Variants in SDK1 observed in about 807,000 individuals in gnomAD.
SDK1 encodes protein sidekick-1.
SDK1 carries 157 observed loss-of-function variants against 245.5 expected under a neutral mutation model. The ratio of observed to expected loss-of-function variants is 0.64; its 90% CI spans 0.56 to 0.73. SDK1 has a LOEUF of 0.73. SDK1 is among the 30% of genes least tolerant of loss of function. The pLI is 0.00. For synonymous variants in SDK1, 1,647 were observed against 1,278.5 expected (o/e 1.29, Z -6.15); for missense variants, 3,583 against 3,002.3 (o/e 1.19, Z -4.52).
chr7:3,634,082 C>T (rs545323304), intron 2 of SDK1, among the ~76,000 whole-genome samples: 3 of 152,142 alleles, frequency 2.0e-5, no homozygotes, highest in Non-Finnish European at 2.9e-5. Flanking sequence ...GTCTAATTGG[C>T]CATGCTGTGT....
chr7:3,925,126 C>T (rs373965078), intron 5 of SDK1, among the ~76,000 whole-genome samples: 1 of 152,064 alleles, frequency 6.6e-6, no homozygotes, highest in Admixed American at 6.5e-5. Flanking sequence ...CCAGACACCC[C>T]ACTCCAGGAA....
chr7:4,113,418 C>G lies in SDK1; in HGVS notation c.3564C>G (p.Thr1188=), dbSNP rs931384978. ...TSVTVRTASE[T]SLRLRWVPLP... Reference sequence around the variant, plus strand: ...TCACGGTCCGTACTGCCAGTGAGACCAGCCTGCGGCTTCGCTGGGTGGTGA... The same window carrying G: ...TCACGGTCCGTACTGCCAGTGAGACGAGCCTGCGGCTTCGCTGGGTGGTGA... The change falls in exon 24 of 45, where the codon ACC becomes ACG. Residue 1188 remains threonine, a synonymous_variant. Coordinates refer to ENST00000404826, the MANE Select transcript of SDK1 (RefSeq NM_152744.4). 1 of 1,613,852 alleles carries G rather than the reference C, an allele frequency of 6.2e-7. No homozygotes were observed. Among genetic ancestry groups the G allele is most frequent in the Admixed American group, 1.7e-5 (1 of 60,026 alleles).
chr7:4,097,864 T>G (rs10229320), intron 22 of SDK1, among the ~76,000 whole-genome samples: 48,561 of 152,056 alleles, frequency 0.32, 9,309 homozygotes, highest in African/African-American at 0.54. Flanking sequence ...TGAATAGTCA[T>G]TCGCACATGC....
chr7:3,836,823 A>G (rs962682982), intron 5 of SDK1, among the ~76,000 whole-genome samples: 1 of 152,102 alleles, frequency 6.6e-6, no homozygotes, highest in Non-Finnish European at 1.5e-5. Flanking sequence ...TAAACAACAG[A>G]TGTTCATTTT....
intron 44 of SDK1, among the ~76,000 whole-genome samples, chr7:4,258,794 A>C (rs1244829855): frequency 1.3e-5 from 2 of 152,212 alleles, no homozygotes; most frequent in African/African-American, 4.8e-5. Flanking sequence ...TAGTCAAAAG[A>C]GGGTGAAAGT....
intron 40 of SDK1, among the ~76,000 whole-genome samples, chr7:4,226,199 G>A (rs2128233830): frequency 6.6e-6 from 1 of 152,302 alleles, no homozygotes; most frequent in East Asian, 1.9e-4. Context: ...TTTGCTCCAG[G>A]TGCAATGAAT....
At chr7:3,660,447 T>TG (rs1783316250) in intron 4 of SDK1, among the ~76,000 whole-genome samples, 1 of 150,870 alleles carries the variant, frequency 6.6e-6, no homozygotes, top group South Asian at 2.1e-4. Context: ...AGAAAGAGAA[T>TG]GGGGAAATAG....
chr7:3,345,936 C>T (rs1171061644), intron 1 of SDK1, among the ~76,000 whole-genome samples: 3 of 152,160 alleles, frequency 2.0e-5, no homozygotes, highest in East Asian at 3.9e-4. Context: ...TCACCCACTG[C>T]AGTTATTCGG....
At chr7:3,752,382 A>G (rs929960931) in intron 4 of SDK1, among the ~76,000 whole-genome samples, 4 of 152,160 alleles carry the variant, frequency 2.6e-5, no homozygotes, top group Non-Finnish European at 4.4e-5. Context: ...CTATTCTGCA[A>G]GTGAGCTTAA....
chr7:3,917,045 T>G (rs1337026352), intron 5 of SDK1, among the ~76,000 whole-genome samples: 1 of 152,168 alleles, frequency 6.6e-6, no homozygotes, highest in African/African-American at 2.4e-5. Flanking sequence ...CTAAAAACAC[T>G]CCCATCATCC....
intron 1 of SDK1, among the ~76,000 whole-genome samples, chr7:3,401,479 A>G (rs892340672): frequency 3.3e-5 from 5 of 152,170 alleles, no homozygotes; most frequent in South Asian, 2.1e-4. Context: ...TTGCCAAACT[A>G]TTCCATGTAT....
At chr7:3,671,679 T>G (rs761334114) in intron 4 of SDK1, among the ~76,000 whole-genome samples, 14 of 152,254 alleles carry the variant, frequency 9.2e-5, no homozygotes, top group Non-Finnish European at 1.9e-4. Context: ...CAAACACTTT[T>G]CATTGTAGAT....
intron 1 of SDK1, among the ~76,000 whole-genome samples, chr7:3,358,322 C>G (rs1457971257): frequency 1.3e-5 from 2 of 152,112 alleles, no homozygotes; most frequent in African/African-American, 4.8e-5. Context: ...ATGCCCAGCC[C>G]TCATTCATTT....
intron 1 of SDK1, among the ~76,000 whole-genome samples, chr7:3,328,525 A>G (rs545636798): frequency 6.6e-6 from 1 of 152,086 alleles, no homozygotes; most frequent in Non-Finnish European, 1.5e-5. Flanking sequence ...TATATATATA[A>G]AAAAACTTGG....
chr7:3,925,524 A>C (rs1009607289), intron 5 of SDK1, among the ~76,000 whole-genome samples: 2 of 152,166 alleles, frequency 1.3e-5, no homozygotes, highest in Non-Finnish European at 2.9e-5. Flanking sequence ...CCAGATACAG[A>C]GTGGAGACAG....
intron 44 of SDK1, among the ~76,000 whole-genome samples, chr7:4,248,767 T>C (rs1172332393): frequency 6.6e-6 from 1 of 151,828 alleles, no homozygotes; most frequent in Non-Finnish European, 1.5e-5. Flanking sequence ...TGTGCACACA[T>C]ACATCATATA....
chr7:4,094,821 C>T (rs1331197993), intron 22 of SDK1, among the ~76,000 whole-genome samples: 1 of 152,130 alleles, frequency 6.6e-6, no homozygotes, highest in East Asian at 1.9e-4. Flanking sequence ...CAGTAAGGAT[C>T]CATAAAGGCA....
chr7:3,401,529 G>GA (rs1307418025), intron 1 of SDK1, among the ~76,000 whole-genome samples: 2 of 152,110 alleles, frequency 1.3e-5, no homozygotes, highest in Non-Finnish European at 1.5e-5. Context: ...TTTGCTGGGG[G>GA]AAAATAACAA....
intron 19 of SDK1, among the ~76,000 whole-genome samples, chr7:4,061,601 A>G (rs1779543358): frequency 6.6e-6 from 1 of 152,126 alleles, no homozygotes; most frequent in East Asian, 1.9e-4. Flanking sequence ...AGGACTAGAA[A>G]TACCATTTGA....
Sources: allele counts gnomAD v4.1 joint callset (sites outside exome capture counted in the v4.1 genomes callset), GRCh38; gene constraint gnomAD v4.1.1; transcripts MANE v1.5; gene names NCBI Gene and HGNC (gene_info 2026-07-23, HGNC 2026-07-21).